LRRTM4: variants seen among roughly 807,000 people sequenced by gnomAD.
LRRTM4 encodes the protein leucine rich repeat transmembrane neuronal 4, also known as leucine-rich repeat transmembrane neuronal protein 4.
Under a neutral mutation model 47.6 loss-of-function variants are expected in LRRTM4, and 25 were observed. The observed-to-expected ratio is 0.53, with a 90% CI of 0.38 to 0.73. The LOEUF (loss-of-function observed/expected upper bound fraction) is 0.73, where lower values mean the gene tolerates loss of function less well. LRRTM4 is among the 30% of genes least tolerant of loss of function. The pLI is 0.00. For synonymous variants in LRRTM4, 311 were observed against 269.5 expected (o/e 1.15, Z -1.51); for missense variants, 638 against 713.4 (o/e 0.89, Z 1.20).
At chr2:77,252,998 G>A (rs1675663844) in intron 3 of LRRTM4, among the ~76,000 whole-genome samples, 1 of 151,778 alleles carries the variant, frequency 6.6e-6, no homozygotes, top group Admixed American at 6.6e-5. Flanking sequence ...AATTTCTCCT[G>A]TGCCCAATAA....
chr2:77,043,612 C>T (rs968379377), intron 3 of LRRTM4, among the ~76,000 whole-genome samples: 2 of 151,710 alleles, frequency 1.3e-5, no homozygotes, highest in Non-Finnish European at 2.9e-5. Flanking sequence ...TAAGCAAGTG[C>T]TGTCTTATTC....
chr2:77,375,996 T>C (rs1672826228), intron 3 of LRRTM4, among the ~76,000 whole-genome samples: 1 of 151,814 alleles, frequency 6.6e-6, no homozygotes, highest in African/African-American at 2.4e-5. Context: ...ACAAATAGAA[T>C]CATGCAGTAC....
At chr2:77,111,934 A>G (rs899611942) in intron 3 of LRRTM4, among the ~76,000 whole-genome samples, 1 of 152,230 alleles carries the variant, frequency 6.6e-6, no homozygotes, top group African/African-American at 2.4e-5. Context: ...CATAGTATAC[A>G]TAGAATTTAG....
At chr2:76,790,957 T>TTTAAACATGGAAAACA (rs1222397126) in intron 3 of LRRTM4, among the ~76,000 whole-genome samples, 7 of 152,174 alleles carry the variant, frequency 4.6e-5, no homozygotes. Flanking sequence ...CATATTTCAC[T>TTTAAACATGGAAAACA]TTAAACATGG....
At chr2:77,448,191 G>T (rs778390800) in intron 3 of LRRTM4, among the ~76,000 whole-genome samples, 1 of 152,134 alleles carries the variant, frequency 6.6e-6, no homozygotes, top group African/African-American at 2.4e-5. Context: ...GTCACTGTTG[G>T]TAAGATTTTG....
chr2:76,789,486 A>C (rs1015477407), intron 3 of LRRTM4, among the ~76,000 whole-genome samples: 15 of 152,308 alleles, frequency 9.8e-5, no homozygotes, highest in Non-Finnish European at 1.5e-4. Context: ...TGGCTTGATA[A>C]ATACATGAAT....
intron 3 of LRRTM4, among the ~76,000 whole-genome samples, chr2:76,807,437 CGT>C (rs1488771515): frequency 5.5e-4 from 19 of 34,280 alleles, no homozygotes; most frequent in South Asian, 5.5e-3. Context: ...TATATATATA[CGT>C]ATATACATAT....
At chr2:76,825,817 A>G (rs1439230671) in intron 3 of LRRTM4, among the ~76,000 whole-genome samples, 3 of 151,652 alleles carry the variant, frequency 2.0e-5, no homozygotes, top group African/African-American at 7.3e-5. Flanking sequence ...GAGGTTAGTC[A>G]AAGGGAAAGT....
At chr2:77,082,324 A>C (rs1035760634) in intron 3 of LRRTM4, among the ~76,000 whole-genome samples, 2 of 152,000 alleles carry the variant, frequency 1.3e-5, no homozygotes, top group African/African-American at 4.8e-5. Flanking sequence ...GACACTTATG[A>C]TGTGTCTCAT....
intron 3 of LRRTM4, among the ~76,000 whole-genome samples, chr2:76,917,227 G>A (rs1055123363): frequency 6.6e-6 from 1 of 152,090 alleles, no homozygotes; most frequent in Non-Finnish European, 1.5e-5. Context: ...TTAAATCTTG[G>A]TTTACAAAAC....
At chr2:77,046,078 T>G (rs1273874698) in intron 3 of LRRTM4, among the ~76,000 whole-genome samples, 2 of 152,010 alleles carry the variant, frequency 1.3e-5, no homozygotes, top group Non-Finnish European at 2.9e-5. Flanking sequence ...GTTTGATTCT[T>G]TTTAGTATCA....
Position 76,903,439 on chromosome 2 carries a change from G to C in LRRTM4, c.1552-154523C>G, listed in dbSNP as rs558346330. The stretch of plus-strand genomic sequence containing the variant: ...TAGTCCCAGCTACTCGGGAGGCTGA[G>C]GCAGGAGAAAGGCATGAACTTGGGA... On this transcript the variant is annotated intron_variant, in intron 3 of 3. Transcript: ENST00000409884. Among the ~76,000 whole-genome samples the C allele has an allele frequency of 3.9e-5, 6 of 152,186 alleles. No individual in the cohort carries two copies. The East Asian group carries it at 7.8e-4, about 20-fold the overall frequency.
chr2:76,976,185 T>C (rs1676412370), intron 3 of LRRTM4, among the ~76,000 whole-genome samples: 1 of 151,830 alleles, frequency 6.6e-6, no homozygotes, highest in South Asian at 2.1e-4. Flanking sequence ...GTTACCAAAC[T>C]TTTCCCTTTG....
At chr2:77,415,177 A>AT (rs1216218805) in intron 3 of LRRTM4, among the ~76,000 whole-genome samples, 2 of 152,280 alleles carry the variant, frequency 1.3e-5, no homozygotes, top group South Asian at 2.1e-4. Context: ...TTTTGTATAC[A>AT]TTTTTTTCTG....
intron 3 of LRRTM4, among the ~76,000 whole-genome samples, chr2:77,270,697 G>A (rs1166515290): frequency 6.6e-6 from 1 of 152,176 alleles, no homozygotes; most frequent in African/African-American, 2.4e-5. Context: ...ATAGGGGCAT[G>A]TCTCTGGTAA....
chr2:76,858,208 A>G (rs1408040628), intron 3 of LRRTM4, among the ~76,000 whole-genome samples: 2 of 152,164 alleles, frequency 1.3e-5, no homozygotes, highest in East Asian at 3.9e-4. Flanking sequence ...CAATCTGTAA[A>G]CAGAGTAAAG....
intron 3 of LRRTM4, among the ~76,000 whole-genome samples, chr2:77,341,981 C>A (rs1671388539): frequency 6.6e-6 from 1 of 151,842 alleles, no homozygotes; most frequent in Non-Finnish European, 1.5e-5. Flanking sequence ...CACAGAATTT[C>A]AATGTCAGTT....
At chr2:77,367,277 A>G (rs1043100360) in intron 3 of LRRTM4, among the ~76,000 whole-genome samples, 3 of 89,424 alleles carry the variant, frequency 3.4e-5, no homozygotes, top group African/African-American at 2.1e-4. Context: ...TATTGGTGTC[A>G]TTATTTGATT....
chr2:77,419,355 G>A (rs796457262), intron 3 of LRRTM4, among the ~76,000 whole-genome samples: 1 of 152,106 alleles, frequency 6.6e-6, no homozygotes, highest in Non-Finnish European at 1.5e-5. Context: ...ATGGGGGATT[G>A]GTTCCAGAAC....
Sources: gnomAD v4.1 joint callset for allele counts (sites outside exome capture counted in the v4.1 genomes callset) on GRCh38, gnomAD v4.1.1 for gene constraint, MANE v1.5 for transcripts, NCBI Gene and HGNC (gene_info 2026-07-23, HGNC 2026-07-21) for gene names.